RMI1: variants seen among roughly 807,000 people sequenced by gnomAD.
RMI1 encodes recQ-mediated genome instability protein 1.
A neutral mutation model predicts 46.7 loss-of-function variants in RMI1; 36 were observed. That is an observed-to-expected ratio of 0.77 (90% CI 0.59 to 1.02). The LOEUF is 1.02. RMI1 is among the 50% of genes least tolerant of loss of function. The pLI, the probability that RMI1 is intolerant of heterozygous loss-of-function variation, is 0.00. For synonymous variants in RMI1, 250 were observed against 252.9 expected (o/e 0.99, Z 0.11); for missense variants, 676 against 713.7 (o/e 0.95, Z 0.60).
chr9:83,999,413 G>C (rs1168442833), intron 1 of RMI1, among the ~76,000 whole-genome samples: 1 of 152,102 alleles, frequency 6.6e-6, no homozygotes, highest in African/African-American at 2.4e-5. Flanking sequence ...TCATGAAGTT[G>C]AGTAACTTGT....
In RMI1 at chr9:84,001,255, A is replaced by G. The variant is rs1314260126; in HGVS notation, c.269A>G (p.Asn90Ser). ...ELNGFYALQI[N>S]SLVDVSQPAY... The stretch of plus-strand genomic sequence containing the variant: ...AATGGATTTTATGCTCTGCAGATTA[A>G]TTCCTTGGTTGATGTAAGTCAGCCT... The change falls in exon 3 of 3, where the codon AAT becomes AGT. Residue 90 changes from asparagine (N) to serine (S), a missense_variant. By Grantham distance (46) the Asn-to-Ser change is conservative. Transcript: ENST00000445877. 3 of 1,614,110 alleles carry G rather than the reference A, an allele frequency of 1.9e-6. No individual in the cohort carries two copies. The highest frequency in any genetic ancestry group is 2.5e-6 in the Non-Finnish European group (3 of 1,179,980).
intron 1 of RMI1, among the ~76,000 whole-genome samples, chr9:83,987,697 TTC>T (rs1957513139): frequency 6.6e-6 from 1 of 152,222 alleles, no homozygotes; most frequent in Non-Finnish European, 1.5e-5. Context: ...CTGAACTGTT[TTC>T]TGTTTGTATA....
At position 84,001,158 on chromosome 9, in the gene RMI1, C is replaced by T; in HGVS notation, c.172C>T (p.Leu58Phe). 6.2e-7 allele frequency: 1 copy of T among 1,614,072 alleles called. No individual in the cohort carries two copies. Residue 58 changes from leucine (L) to phenylalanine (F), a missense_variant, in exon 3 of 3, where the codon CTT becomes TTT. By Grantham distance (22) the Leu-to-Phe change is conservative. Coordinates refer to ENST00000445877, the MANE Select transcript of RMI1 (RefSeq NM_001358291.2). ...MNKQVFEQWL[L>F]TDLRDLEHPL... ...TAAACAAGTGTTTGAGCAGTGGCTC[C>T]TTACTGATCTGAGGGATTTGGAGCA...
At chr9:83,980,697 C>T (rs1418433664), upstream of RMI1, 1 of 152,042 alleles carries the variant, frequency 6.6e-6, no homozygotes, top group African/African-American at 2.4e-5. Flanking sequence ...AGTTCACGCG[C>T]ACAGGGAGGG....
At chr9:83,988,430 A>G (rs1436583452) in intron 1 of RMI1, among the ~76,000 whole-genome samples, 1 of 152,078 alleles carries the variant, frequency 6.6e-6, no homozygotes, top group Non-Finnish European at 1.5e-5. Flanking sequence ...CAGGCTTCTG[A>G]GTAGCTGGGA....
chr9:83,999,129 A>G (rs1015618514), intron 1 of RMI1, among the ~76,000 whole-genome samples: 11 of 152,114 alleles, frequency 7.2e-5, no homozygotes, highest in Admixed American at 7.2e-4. Flanking sequence ...CGACAGAGCA[A>G]GACTCTGTCT....
In RMI1 at chr9:84,002,296, C is replaced by T. The variant is rs752256220; in HGVS notation, c.1310C>T (p.Ser437Phe). ...IKQTSSSDSH[S>F]LNNKILNREV... is the part of the protein sequence containing the mutation. ...CAAACCAGCAGTTCAGATAGCCATT[C>T]CTTAAATAATAAAATATTAAATAGA... The change falls in exon 3 of 3, where the codon TCC (serine) becomes TTC (phenylalanine). Residue 437 changes from serine (S) to phenylalanine (F), a missense_variant. Physicochemically the swap from Ser to Phe is radical, Grantham distance 155 (BLOSUM62 -2). Coordinates refer to ENST00000445877, the MANE Select transcript of RMI1 (RefSeq NM_001358291.2). 6.2e-7 allele frequency: 1 copy of T among 1,600,622 alleles called. No individual in the cohort carries two copies. Among genetic ancestry groups the T allele is most frequent in the Non-Finnish European group, 8.5e-7 (1 of 1,170,588 alleles).
In RMI1 at chr9:83,983,671, G is replaced by A. The variant is rs1488849571; in HGVS notation, c.-126+2780G>A. On this transcript the variant is annotated intron_variant, in intron 1 of 2. Coordinates refer to ENST00000445877, the MANE Select transcript of RMI1 (RefSeq NM_001358291.2). ...TTAATCTGTAAATCAAATATGCCTAGACCTTCGTGGTAGGTGATAAAATTT... is the reference window on the plus strand; with the variant it reads ...TTAATCTGTAAATCAAATATGCCTAAACCTTCGTGGTAGGTGATAAAATTT... Among the ~76,000 whole-genome samples the A allele has an allele frequency of 3.3e-5, 5 of 151,974 alleles. No homozygotes were observed. In the East Asian group the frequency reaches 9.7e-4, roughly 29 times the overall value.
At position 84,002,949 on chromosome 9, in the gene RMI1, G is replaced by T. The variant is rs1379938923; in HGVS notation, c.*85G>T. Reference sequence around the variant, plus strand: ...CACAATTTTACTTATGATACTTTGTGTAAAAAGGAAAAATGAAATTTCATA... The same window carrying T: ...CACAATTTTACTTATGATACTTTGTTTAAAAAGGAAAAATGAAATTTCATA... On this transcript the variant is annotated 3_prime_UTR_variant, in exon 3 of 3. Transcript: ENST00000445877. 1.2e-6 allele frequency: 1 copy of T among 821,588 alleles called. No homozygotes were observed. Among genetic ancestry groups the T allele is most frequent in the Admixed American group, 3.1e-5 (1 of 32,576 alleles). The allele number at this position is 821,588 out of a possible 1,614,324, so 50.9% of individuals were successfully genotyped here.
chr9:83,982,625 G>T (rs935713548), intron 1 of RMI1, among the ~76,000 whole-genome samples: 4 of 151,820 alleles, frequency 2.6e-5, no homozygotes, highest in Admixed American at 2.6e-4. Context: ...CCGAGATCGC[G>T]CCACTGCACT....
chr9:83,991,679 CTTT>C (rs1957576303), intron 1 of RMI1, among the ~76,000 whole-genome samples: 1 of 152,130 alleles, frequency 6.6e-6, no homozygotes, highest in Non-Finnish European at 1.5e-5. Context: ...TTTCTGCAAA[CTTT>C]TCTTATACAT....
chr9:84,002,033 A>G lies in RMI1; in HGVS notation c.1047A>G (p.Ile349Met). Residue 349 changes from isoleucine to methionine, a missense_variant, in exon 3 of 3, where the codon ATA becomes ATG. Transcript: ENST00000445877. Reference sequence around the variant, plus strand: ...TTAACAGAAATGCCGATCGAAGTATAGAGAGATTTTCACATAATCCTAATA... The same window carrying G: ...TTAACAGAAATGCCGATCGAAGTATGGAGAGATTTTCACATAATCCTAATA... ...LTFNRNADRS[I>M]ERFSHNPNTT... 1 of 1,613,978 alleles carries G rather than the reference A, an allele frequency of 6.2e-7. No individual in the cohort carries two copies. Among genetic ancestry groups the G allele is most frequent in the Non-Finnish European group, 8.5e-7 (1 of 1,179,910 alleles).
At chr9:83,981,240 TC>T (rs529756461) in intron 1 of RMI1, among the ~76,000 whole-genome samples, 23 of 152,342 alleles carry the variant, frequency 1.5e-4, no homozygotes, top group Admixed American at 1.2e-3. Context: ...TCTGAGACTT[TC>T]CTCTTGGGTA....
At chr9:83,991,203 G>T (rs568444546) in intron 1 of RMI1, among the ~76,000 whole-genome samples, 19 of 151,984 alleles carry the variant, frequency 1.3e-4, no homozygotes, top group Admixed American at 5.2e-4. Flanking sequence ...ATGCATGTGT[G>T]TGTGTCTTGT....
chr9:83,989,114 C>T (rs1368307188), intron 1 of RMI1, among the ~76,000 whole-genome samples: 1 of 152,200 alleles, frequency 6.6e-6, no homozygotes, highest in Non-Finnish European at 1.5e-5. Context: ...CTGCCTTGGT[C>T]TCCCAAAGTG....
intron 1 of RMI1, among the ~76,000 whole-genome samples, chr9:83,995,468 C>T (rs1327047081): frequency 4.1e-5 from 6 of 146,622 alleles, no homozygotes; most frequent in African/African-American, 1.0e-4. Context: ...CACTCTGTTG[C>T]GCAGGCTAGA....
At chr9:83,981,515 G>A (rs996589805) in intron 1 of RMI1, among the ~76,000 whole-genome samples, 1 of 152,140 alleles carries the variant, frequency 6.6e-6, no homozygotes, top group Non-Finnish European at 1.5e-5. Context: ...AGGCTCCTGT[G>A]CCAAGCTTTC....
Position 84,001,506 on chromosome 9 carries a change from T to C in RMI1, c.520T>C (p.Ser174Pro), listed in dbSNP as rs368843569. The change falls in exon 3 of 3, where the codon TCT (serine) becomes CCT (proline). Residue 174 changes from serine (S) to proline (P), a missense_variant. Coordinates refer to ENST00000445877, the MANE Select transcript of RMI1 (RefSeq NM_001358291.2). Reference protein sequence around the residue: ...GTKILIYGNISFRLGVLLLKP... With the variant: ...GTKILIYGNIPFRLGVLLLKP... ...AAAAATTTTGATTTATGGAAATATATCTTTCCGTCTTGGTGTTCTCTTATT... is the reference window on the plus strand; with the variant it reads ...AAAAATTTTGATTTATGGAAATATACCTTTCCGTCTTGGTGTTCTCTTATT... 5.0e-6 allele frequency: 8 copies of C among 1,613,832 alleles called. No individual in the cohort carries two copies. The highest frequency in any genetic ancestry group is 6.8e-6 in the Non-Finnish European group (8 of 1,179,998).
intron 1 of RMI1, among the ~76,000 whole-genome samples, chr9:83,990,466 C>T (rs974733745): frequency 1.9e-4 from 28 of 150,452 alleles, no homozygotes; most frequent in African/African-American, 6.4e-4. Flanking sequence ...GTCGAGATAG[C>T]GCCGCTGCAC....
Sources: gnomAD v4.1 joint callset for allele counts (sites outside exome capture counted in the v4.1 genomes callset) on GRCh38, gnomAD v4.1.1 for gene constraint, MANE v1.5 for transcripts, NCBI Gene and HGNC (gene_info 2026-07-23, HGNC 2026-07-21) for gene names.